The following NPR3 variants were observed in gnomAD, a reference collection of about 807,000 sequenced individuals.
The protein encoded by NPR3 is atrial natriuretic peptide receptor 3.
In NPR3, 34 loss-of-function variants were observed where a neutral mutation model predicts 54.5. That is an observed-to-expected ratio of 0.62 (90% CI 0.47 to 0.83). NPR3 has a LOEUF of 0.83. Ranked by LOEUF, NPR3 falls within the 40% of genes least tolerant of loss-of-function variation. The probability of loss-of-function intolerance (pLI) is 0.00; values close to 1 mark genes in which losing one functional copy is unlikely to be tolerated. For missense variants in NPR3, 674 were observed against 720.8 expected (o/e 0.94, Z 0.74); for synonymous variants, 289 against 297.1 (o/e 0.97, Z 0.28).
rs540996226 is a variant in NPR3 at position 32,790,028 on chromosome 5, G to C, written c.*3683G>C. 1 of 229,168 alleles carries C rather than the reference G, an allele frequency of 4.4e-6. No individual in the cohort carries two copies. The highest frequency in any genetic ancestry group is 1.1e-4 in the East Asian group (1 of 9,266). The allele number at this position is 229,168 out of a possible 1,614,324, so 14.2% of individuals were successfully genotyped here. On this transcript the variant is annotated 3_prime_UTR_variant, in exon 8 of 8. Coordinates refer to ENST00000265074, the MANE Select transcript of NPR3 (RefSeq NM_001204375.2). ...CCCTCGACCTACAGACATTTCATGG[G>C]TTTTATTTAATCACACCCCATGGTT...
At chr5:32,784,665 A>T in intron 6 of NPR3, 131 bp from the exon 7 acceptor site, 2 of 683,164 alleles carry the variant, frequency 2.9e-6, no homozygotes, top group Admixed American at 2.6e-5. Flanking sequence ...AGGGTCCCTT[A>T]GAAAATATTT....
chr5:32,704,775 A>G (rs1294251834), upstream of NPR3, among the ~76,000 whole-genome samples: 12 of 152,248 alleles, frequency 7.9e-5, no homozygotes, highest in Admixed American at 6.5e-5. Context: ...GCGTTTGCAC[A>G]TGGCCCAGTG....
intron 5 of NPR3, 124 bp downstream of exon 5, chr5:32,780,940 A>T: frequency 1.7e-6 from 1 of 605,984 alleles, no homozygotes; most frequent in Non-Finnish European, 3.0e-6. Context: ...GAGTTGAAAA[A>T]CCTCAACTTT....
At chr5:32,732,784 C>T (rs773468523) in intron 2 of NPR3, among the ~76,000 whole-genome samples, 5 of 152,148 alleles carry the variant, frequency 3.3e-5, no homozygotes, top group Admixed American at 6.5e-5. Flanking sequence ...ACACCAAACC[C>T]TATGCTTGTT....
At chr5:32,710,598 G>T (rs919195133), upstream of NPR3, 28 of 1,398,406 alleles carry the variant, frequency 2.0e-5, no homozygotes, top group Non-Finnish European at 1.9e-6. Flanking sequence ...GGAGGGGGCT[G>T]GCGCGGGGCT....
intron 3 of NPR3, 36 bp from the exon 4 acceptor site, chr5:32,774,672 G>T: frequency 6.4e-7 from 1 of 1,560,532 alleles, no homozygotes; most frequent in Non-Finnish European, 8.8e-7. Context: ...GAGTCACTTG[G>T]TGTTTTGGTT....
At chr5:32,776,999 G>A (rs1438659507) in intron 4 of NPR3, among the ~76,000 whole-genome samples, 1 of 152,152 alleles carries the variant, frequency 6.6e-6, no homozygotes, top group Non-Finnish European at 1.5e-5. Flanking sequence ...CAAACGTGGA[G>A]ATCCTGAGTG....
upstream of NPR3, among the ~76,000 whole-genome samples, chr5:32,704,651 C>G (rs190056706): frequency 6.6e-6 from 1 of 152,118 alleles, no homozygotes. Flanking sequence ...AATGGAAATA[C>G]AATTTGGTGT....
At chr5:32,713,472 C>A (rs1229660549) in intron 1 of NPR3, 1 of 984,790 alleles carries the variant, frequency 1.0e-6, no homozygotes, top group African/African-American at 1.7e-5. Flanking sequence ...ACTGAGATGC[C>A]GGTATAGCGC....
intron 1 of NPR3, 25 bp downstream of exon 1, chr5:32,712,570 C>T: frequency 6.7e-7 from 1 of 1,502,114 alleles, no homozygotes; most frequent in South Asian, 1.3e-5. Context: ...GTCCCGGGCC[C>T]CGGGCCCTAA....
intron 1 of NPR3, chr5:32,713,393 G>C (rs922368205): frequency 9.1e-6 from 9 of 985,332 alleles, no homozygotes; most frequent in Admixed American, 6.1e-5. Flanking sequence ...TTCGGGGAGC[G>C]GGGGGACGCG....
Position 32,711,354 on chromosome 5 carries a change from T to G in NPR3, c.-423T>G. ...TCAATGAGATCAAATGCGAGGGAGA[T>G]GCACCGTCAATTACAAACACTTGGA... On this transcript the variant is annotated 5_prime_UTR_variant, in exon 1 of 8. The change abolishes an upstream ATG in the 5' untranslated region. Coordinates refer to ENST00000265074, the MANE Select transcript of NPR3 (RefSeq NM_001204375.2). 1 of 990,218 alleles carries G rather than the reference T, an allele frequency of 1.0e-6. No homozygotes were observed. The highest frequency in any genetic ancestry group is 4.7e-5 in the South Asian group (1 of 21,334). 61.3% of individuals were successfully genotyped at this position (990,218 alleles called of 1,614,324 possible).
chr5:32,712,680 G>A, intron 1 of NPR3, 135 bp downstream of exon 1: 1 of 803,634 alleles, frequency 1.2e-6, no homozygotes, highest in South Asian at 2.0e-5. Context: ...CACTCGTTCA[G>A]GTATGCGCCG....
intron 3 of NPR3, among the ~76,000 whole-genome samples, chr5:32,757,155 C>A (rs1262186050): frequency 6.6e-6 from 1 of 152,162 alleles, no homozygotes; most frequent in Non-Finnish European, 1.5e-5. Context: ...TCATTGGTAG[C>A]TTGATGGGGA....
chr5:32,706,981 C>T (rs1280904502), upstream of NPR3, among the ~76,000 whole-genome samples: 1 of 151,882 alleles, frequency 6.6e-6, no homozygotes, highest in African/African-American at 2.4e-5. Context: ...TTTTGAAGTC[C>T]CCATTCACAC....
Position 32,711,617 on chromosome 5 carries a change from C to T in NPR3, c.-160C>T. 8.0e-7 allele frequency: 1 copy of T among 1,249,808 alleles called. No homozygotes were observed. The highest frequency in any genetic ancestry group is 1.6e-5 in the African/African-American group (1 of 63,386). The allele number at this position is 1,249,808 out of a possible 1,614,324, so 77.4% of individuals were successfully genotyped here. On this transcript the variant is annotated 5_prime_UTR_variant, in exon 1 of 8. Transcript: ENST00000265074. ...CATTGCAGAGAAGGACGCTTCCTCT[C>T]TATCTTTTGGCGCATTAGTGAAGGG...
At chr5:32,754,696 G>T (rs114711761) in intron 3 of NPR3, among the ~76,000 whole-genome samples, 4,238 of 152,098 alleles carry the variant, frequency 0.028, 71 homozygotes, top group Middle Eastern at 0.088. Flanking sequence ...CTGTGGGGAG[G>T]GGGGTGCAGA....
intron 3 of NPR3, among the ~76,000 whole-genome samples, chr5:32,743,786 G>T (rs965428137): frequency 7.9e-5 from 12 of 152,210 alleles, no homozygotes; most frequent in African/African-American, 2.9e-4. Context: ...TGCTACATGT[G>T]TGTGGTGTGA....
chr5:32,723,839 TCTC>T (rs1242318514), intron 1 of NPR3, among the ~76,000 whole-genome samples: 2 of 152,004 alleles, frequency 1.3e-5, no homozygotes, highest in Non-Finnish European at 2.9e-5. Context: ...CCTGTCCCTC[TCTC>T]CTCTTCTCCC....
Sources: gnomAD v4.1 joint callset for allele counts (sites outside exome capture counted in the v4.1 genomes callset) on GRCh38, gnomAD v4.1.1 for gene constraint, MANE v1.5 for transcripts, NCBI Gene and HGNC (gene_info 2026-07-23, HGNC 2026-07-21) for gene names.